Variants in MGAT5 observed in about 807,000 individuals in gnomAD.
MGAT5 encodes the protein alpha-1,6-mannosylglycoprotein 6-beta-N-acetylglucosaminyltransferase.
In MGAT5, 30 loss-of-function variants were observed where a neutral mutation model predicts 94.3. The observed-to-expected ratio is 0.32, with a 90% CI of 0.24 to 0.43. MGAT5 has a LOEUF of 0.43. Ranked by LOEUF, MGAT5 falls within the 20% of genes least tolerant of loss-of-function variation. The pLI, the probability that MGAT5 is intolerant of heterozygous loss-of-function variation, is 1.00. For synonymous variants in MGAT5, 310 were observed against 322.9 expected, an observed-to-expected ratio of 0.96 and a Z score of 0.43; for missense variants, 691 against 905.5, an observed-to-expected ratio of 0.76 and a Z score of 3.04.
Position 134,448,993 on chromosome 2 carries a change from G to A in MGAT5, c.*146G>A. On this transcript the variant is annotated 3_prime_UTR_variant, in exon 16 of 16. Coordinates refer to ENST00000281923, the MANE Select transcript of MGAT5 (RefSeq NM_002410.5). Reference sequence around the variant, plus strand: ...AAGGTTCTGAATTGGCATTGCCCTTGCTGCACTCCGAGCAACCCAGTGGAG... The same window carrying A: ...AAGGTTCTGAATTGGCATTGCCCTTACTGCACTCCGAGCAACCCAGTGGAG... 1 of 771,340 alleles carries A rather than the reference G, an allele frequency of 1.3e-6. No individual in the cohort carries two copies. The highest frequency in any genetic ancestry group is 2.1e-6 in the Non-Finnish European group (1 of 483,970). The allele number at this position is 771,340 out of a possible 1,614,324, so 47.8% of individuals were successfully genotyped here. A position where few individuals can be genotyped will look rare whatever the true frequency, so the allele number is the denominator to read the frequency against.
At chr2:134,317,355 T>A (rs546547352) in intron 2 of MGAT5, among the ~76,000 whole-genome samples, 174 bp from the exon 3 acceptor site, 1 of 152,244 alleles carries the variant, frequency 6.6e-6, no homozygotes, top group South Asian at 2.1e-4. Context: ...AGGTCAGTCA[T>A]CACTCTGGAC....
intron 10 of MGAT5, among the ~76,000 whole-genome samples, chr2:134,385,177 A>G (rs964697310): frequency 1.2e-4 from 18 of 152,242 alleles, no homozygotes; most frequent in African/African-American, 3.6e-4. Flanking sequence ...AGTGACTTAC[A>G]TGTTCTGTTT....
At chr2:134,253,651 C>G (rs1199516641), upstream of MGAT5, among the ~76,000 whole-genome samples, 1 of 152,170 alleles carries the variant, frequency 6.6e-6, no homozygotes, top group Admixed American at 6.5e-5. Flanking sequence ...CTGCTTGTAC[C>G]TCTGGCATAT....
intron 2 of MGAT5, among the ~76,000 whole-genome samples, chr2:134,293,650 C>T (rs755573643): frequency 1.1e-4 from 16 of 151,838 alleles, no homozygotes; most frequent in Admixed American, 3.9e-4. Flanking sequence ...TTGTATTTTT[C>T]GTAGAGATGA....
chr2:134,263,981 TA>T (rs1683500265), intron 1 of MGAT5, among the ~76,000 whole-genome samples: 2 of 150,648 alleles, frequency 1.3e-5, no homozygotes, highest in African/African-American at 2.5e-5. Context: ...TATGCTTTTT[TA>T]AAAATTAAGA....
At chr2:134,338,030 A>G (rs539749724) in intron 5 of MGAT5, among the ~76,000 whole-genome samples, 2 of 152,220 alleles carry the variant, frequency 1.3e-5, no homozygotes, top group East Asian at 3.9e-4. Context: ...GCTTTTCTCA[A>G]TTTCTAATTT....
At chr2:134,146,158 A>G (rs1366619386) in intron 1 of MGAT5, among the ~76,000 whole-genome samples, 1 of 152,176 alleles carries the variant, frequency 6.6e-6, no homozygotes, top group Non-Finnish European at 1.5e-5. Flanking sequence ...AAATGCCTTA[A>G]TTTCATAGGA....
At chr2:134,169,847 G>A (rs933217277) in intron 1 of MGAT5, among the ~76,000 whole-genome samples, 5 of 152,168 alleles carry the variant, frequency 3.3e-5, no homozygotes, top group African/African-American at 9.7e-5. Context: ...CAAGGGTGGC[G>A]CAGTAGTTTT....
chr2:134,156,824 C>T (rs916777665), intron 1 of MGAT5, among the ~76,000 whole-genome samples: 9 of 152,192 alleles, frequency 5.9e-5, no homozygotes, highest in African/African-American at 2.2e-4. Flanking sequence ...CTCCTCATCT[C>T]TCTTGTGTTA....
chr2:134,363,988 G>A lies in MGAT5; in HGVS notation c.1380+1580G>A, dbSNP rs544911405. 4.7e-4 allele frequency among the ~76,000 whole-genome samples: 71 copies of A among 152,158 alleles called. 1 individual carries two copies. Among genetic ancestry groups the A allele is most frequent in the Non-Finnish European group, 6.9e-4 (47 of 68,014 alleles). ...CTGTGGCTTTTAAAGAAAAGCCTCT[G>A]TATCTGCTTGAAGAAGATAGCTTGC... On this transcript the variant is annotated intron_variant, in intron 10 of 15. Coordinates refer to ENST00000281923, the MANE Select transcript of MGAT5 (RefSeq NM_002410.5).
At chr2:134,215,194 C>A (rs1680417406) in intron 1 of MGAT5, among the ~76,000 whole-genome samples, 1 of 152,114 alleles carries the variant, frequency 6.6e-6, no homozygotes, top group South Asian at 2.1e-4. Context: ...AGATAATTTC[C>A]AGTTTTCAGC....
chr2:134,341,571 ATGCC>A lies in MGAT5; in HGVS notation c.808-17_808-14del, dbSNP rs1688633714. The A allele has an allele frequency of 2.5e-6, 4 of 1,608,354 alleles. No homozygotes were observed. The highest frequency in any genetic ancestry group is 3.4e-6 in the Non-Finnish European group (4 of 1,177,092). The stretch of plus-strand genomic sequence containing the variant: ...TATGTGGTTCAGTGTGAATCAGTAT[ATGCC>A]TCTTTGTTTTCCAGGTCCTCGTTCA... On this transcript the variant is annotated splice_polypyrimidine_tract_variant and intron_variant, in intron 6 of 15. Coordinates refer to ENST00000281923, the MANE Select transcript of MGAT5 (RefSeq NM_002410.5).
chr2:134,424,796 C>T (rs1233365385), intron 13 of MGAT5, among the ~76,000 whole-genome samples: 2 of 152,200 alleles, frequency 1.3e-5, no homozygotes, highest in East Asian at 3.8e-4. Context: ...CCTCTTTCAG[C>T]TTCTGGTAGG....
intron 11 of MGAT5, 146 bp downstream of exon 11, chr2:134,403,283 A>C (rs183477320): frequency 1.6e-5 from 12 of 731,434 alleles, no homozygotes; most frequent in Non-Finnish European, 1.9e-5. Context: ...ATGGCAGCTG[A>C]AAAGTAAGTG....
At chr2:134,194,755 T>G (rs1052656767) in intron 1 of MGAT5, among the ~76,000 whole-genome samples, 40 of 152,176 alleles carry the variant, frequency 2.6e-4, no homozygotes, top group Admixed American at 3.3e-4. Context: ...ACCAGGACTT[T>G]GGAGAGACAG....
chr2:134,205,492 GGTCTT>G (rs1465898852), intron 1 of MGAT5, among the ~76,000 whole-genome samples: 1 of 152,172 alleles, frequency 6.6e-6, no homozygotes, highest in Non-Finnish European at 1.5e-5. Flanking sequence ...AGGGCTTAAG[GGTCTT>G]GCTGGAGCAG....
chr2:134,240,024 A>T (rs568356623), intron 1 of MGAT5, among the ~76,000 whole-genome samples: 2 of 152,098 alleles, frequency 1.3e-5, no homozygotes, highest in Non-Finnish European at 2.9e-5. Context: ...GGTTGTTCAG[A>T]TACCTAGATG....
intron 4 of MGAT5, among the ~76,000 whole-genome samples, chr2:134,333,975 G>A (rs932989992): frequency 6.6e-6 from 1 of 152,040 alleles, no homozygotes; most frequent in African/African-American, 2.4e-5. Flanking sequence ...TCCTATCACA[G>A]CATACAAAAA....
At chr2:134,417,396 A>G (rs151073705) in intron 12 of MGAT5, among the ~76,000 whole-genome samples, 1 of 151,918 alleles carries the variant, frequency 6.6e-6, no homozygotes, top group African/African-American at 2.4e-5. Context: ...CCTGGATCCA[A>G]TTCTGGACCC....
Sources: gnomAD v4.1 joint callset for allele counts (sites outside exome capture counted in the v4.1 genomes callset) on GRCh38, gnomAD v4.1.1 for gene constraint, MANE v1.5 for transcripts, NCBI Gene and HGNC (gene_info 2026-07-23, HGNC 2026-07-21) for gene names.